The following DDHD2 variants were observed in gnomAD, a reference collection of about 807,000 sequenced individuals.
DDHD2 encodes the protein DDHD domain containing 2, also known as triacylglycerol hydrolase DDHD2.
In DDHD2, 62 loss-of-function variants were observed where a neutral mutation model predicts 91.2. That is an observed-to-expected ratio of 0.68 (90% CI 0.55 to 0.84). The LOEUF is 0.84. Ranked by LOEUF, DDHD2 falls within the 40% of genes least tolerant of loss-of-function variation. DDHD2 has a pLI of 0.00. For synonymous variants in DDHD2, 271 were observed against 293.9 expected (o/e 0.92, Z 0.80); for missense variants, 740 against 846.9 (o/e 0.87, Z 1.57).
intron 16 of DDHD2, 45 bp downstream of exon 16, chr8:38,253,763 C>T: frequency 6.3e-7 from 1 of 1,580,050 alleles, no homozygotes; most frequent in South Asian, 1.1e-5. Context: ...TTACCTGTTT[C>T]ATAGATATTT....
At chr8:38,249,548 T>G (rs1018287211) in intron 10 of DDHD2, among the ~76,000 whole-genome samples, 160 bp from the exon 11 acceptor site, 1 of 152,058 alleles carries the variant, frequency 6.6e-6, no homozygotes, top group African/African-American at 2.4e-5. Context: ...TTTAGGCTGT[T>G]TCATGAATAA....
At chr8:38,235,109 T>C (rs1804609108) in intron 3 of DDHD2, among the ~76,000 whole-genome samples, 2 of 152,196 alleles carry the variant, frequency 1.3e-5, no homozygotes, top group African/African-American at 4.8e-5. Context: ...TAGGAACTGT[T>C]CATTCATGTG....
intron 10 of DDHD2, 49 bp downstream of exon 10, chr8:38,247,884 TG>T: frequency 7.0e-7 from 1 of 1,421,942 alleles, no homozygotes; most frequent in Non-Finnish European, 9.4e-7. Flanking sequence ...TCAGTATTTT[TG>T]TTTATCGTGT....
chr8:38,243,077 C>A (rs1051249773), intron 7 of DDHD2, among the ~76,000 whole-genome samples: 1 of 152,090 alleles, frequency 6.6e-6, no homozygotes, highest in African/African-American at 2.4e-5. Context: ...TTCTCAGTAC[C>A]CTGTGATTTG....
Position 38,234,477 on chromosome 8 carries a change from T to C in DDHD2, c.304T>C (p.Tyr102His), listed in dbSNP as rs144436068. ...HLGERMRYAV[Y>H]WDELASEVRR... ...GGGGGAGAGGATGCGGTATGCTGTA[T>C]ACTGGGATGAACTGGCATCGGAAGT... The change falls in exon 3 of 18, where the codon TAC becomes CAC. Residue 102 changes from tyrosine (Y) to histidine (H), a missense_variant. Tyr to His is a moderately conservative substitution (Grantham distance 83, BLOSUM62 2). Coordinates refer to ENST00000397166, the MANE Select transcript of DDHD2 (RefSeq NM_015214.3). The C allele has an allele frequency of 4.3e-6, 7 of 1,613,382 alleles. No homozygotes were observed. In the African/African-American group the frequency reaches 9.3e-5, roughly 22 times the overall value.
downstream of DDHD2, chr8:38,263,406 T>C (rs1807189599): frequency 8.1e-6 from 8 of 985,450 alleles, no homozygotes; most frequent in Non-Finnish European, 9.6e-6. Flanking sequence ...TTTGAGCAGA[T>C]CTTCAGTCAT....
chr8:38,265,842 A>G (rs189729329), downstream of DDHD2, among the ~76,000 whole-genome samples: 191 of 152,360 alleles, frequency 1.3e-3, 1 homozygote, highest in African/African-American at 4.2e-3. Flanking sequence ...TCCTATGACA[A>G]TGAACCTGAT....
At chr8:38,267,493 T>C, downstream of DDHD2, 1 of 1,394,040 alleles carries the variant, frequency 7.2e-7, no homozygotes, top group Non-Finnish European at 9.7e-7. Flanking sequence ...GGTCAAATAG[T>C]GCCCCAGGCA....
intron 11 of DDHD2, 72 bp from the exon 12 acceptor site, chr8:38,251,840 C>T (rs1806133810): frequency 1.9e-6 from 2 of 1,079,942 alleles, no homozygotes; most frequent in East Asian, 2.4e-5. Context: ...ACCTCAGGGT[C>T]CTGAGTAGCT....
At chr8:38,266,421 G>A, downstream of DDHD2, 1 of 1,100,156 alleles carries the variant, frequency 9.1e-7, no homozygotes, top group Non-Finnish European at 1.3e-6. Flanking sequence ...TTTATTTTTT[G>A]AGACAGTCTT....
At chr8:38,236,976 T>C (rs1461262020) in intron 3 of DDHD2, among the ~76,000 whole-genome samples, 1 of 152,160 alleles carries the variant, frequency 6.6e-6, no homozygotes, top group East Asian at 1.9e-4. Flanking sequence ...AGAACATTAA[T>C]ATTAATATAT....
In DDHD2 at chr8:38,234,576, G is replaced by T; in HGVS notation, c.403G>T (p.Val135Phe). 6.3e-7 allele frequency: 1 copy of T among 1,599,132 alleles called. No homozygotes were observed. The highest frequency in any genetic ancestry group is 8.5e-7 in the Non-Finnish European group (1 of 1,176,294). Residue 135 changes from valine to phenylalanine, a missense_variant, in exon 3 of 18, where the codon GTT becomes TTT. This residue lies in a region of DDHD2 where 693 missense variants were observed against 764.2 expected (regional missense o/e 0.91). Transcript: ENST00000397166. ...YVPYSESFSQVLEETYMLAVT... is the reference protein window; with the variant it reads ...YVPYSESFSQFLEETYMLAVT... ...TCCCTACTCGGAGAGCTTCAGCCAA[G>T]TTTTAGAGGTATTCTTTTGACTCTT...
chr8:38,247,995 T>G (rs1805779391), intron 10 of DDHD2, among the ~76,000 whole-genome samples, 160 bp downstream of exon 10: 1 of 152,218 alleles, frequency 6.6e-6, no homozygotes, highest in Non-Finnish European at 1.5e-5. Flanking sequence ...TCAAGTGACC[T>G]TTGCTTTGTG....
chr8:38,236,089 T>C (rs1413549433), intron 3 of DDHD2, among the ~76,000 whole-genome samples: 4 of 152,108 alleles, frequency 2.6e-5, no homozygotes, highest in Non-Finnish European at 5.9e-5. Context: ...CTTGGCTCAT[T>C]GCAAGCTCTG....
intron 15 of DDHD2, 117 bp downstream of exon 15, chr8:38,253,244 C>G: frequency 8.6e-7 from 1 of 1,157,486 alleles, no homozygotes; most frequent in East Asian, 2.6e-5. Context: ...ATATTGCATT[C>G]TTTTGCTTTA....
intron 2 of DDHD2, among the ~76,000 whole-genome samples, chr8:38,233,997 C>T (rs1262368400): frequency 6.6e-6 from 1 of 151,366 alleles, no homozygotes; most frequent in Non-Finnish European, 1.5e-5. Flanking sequence ...AACTCTCTAA[C>T]TTGTCACTTG....
intron 4 of DDHD2, 68 bp from the exon 5 acceptor site, chr8:38,238,021 A>C: frequency 6.9e-6 from 10 of 1,444,926 alleles, no homozygotes; most frequent in Non-Finnish European, 9.2e-6. Context: ...TTCTACACTT[A>C]AAACTGCATT....
intron 1 of DDHD2, 61 bp from the exon 2 acceptor site, chr8:38,232,922 CGTGT>C (rs1015096121): frequency 4.8e-6 from 5 of 1,052,072 alleles, no homozygotes; most frequent in Middle Eastern, 2.1e-4. Flanking sequence ...TAGTTTTGTG[CGTGT>C]GTGTGTGCGA....
rs148536791 is a variant in DDHD2, at chr8:38,253,711, T to A, written c.2047T>A (p.Cys683Ser). 4,323 of 1,613,460 alleles carry A rather than the reference T, an allele frequency of 2.7e-3. 9 individuals carry two copies. Among genetic ancestry groups the A allele is most frequent in the Non-Finnish European group, 2.8e-3 (3,278 of 1,179,672 alleles). Residue 683 changes from cysteine (C) to serine (S), a missense_variant, in exon 16 of 18, where the codon TGC (cysteine) becomes AGC (serine). Transcript: ENST00000397166. The stretch of plus-strand genomic sequence containing the variant: ...TTTATTTGCTTTACAAAGCCATCTA[T>A]GCTACTGGTAAATGTTGTTTATTTT... ...EYLFALQSHL[C>S]YWESEDTVLL...
Sources: gnomAD v4.1 joint callset for allele counts (sites outside exome capture counted in the v4.1 genomes callset) on GRCh38, gnomAD v4.1.1 for gene constraint, gnomAD v4.1.1 regional missense constraint, MANE v1.5 for transcripts, NCBI Gene and HGNC (gene_info 2026-07-23, HGNC 2026-07-21) for gene names.